Variants in CCDC97 observed in about 807,000 individuals in gnomAD.
CCDC97 encodes the protein coiled-coil domain-containing protein 97.
Under a neutral mutation model 33.9 loss-of-function variants are expected in CCDC97, and 27 were observed. The ratio of observed to expected loss-of-function variants is 0.80; its 90% CI spans 0.59 to 1.10. The LOEUF is 1.10. Ranked by LOEUF, CCDC97 falls within the 50% of genes least tolerant of loss-of-function variation. The pLI is 0.00. For missense variants in CCDC97, 422 were observed against 476.6 expected, an observed-to-expected ratio of 0.89 and a Z score of 1.07; for synonymous variants, 217 against 194.0, an observed-to-expected ratio of 1.12 and a Z score of -0.99.
rs765821522 is a variant in CCDC97 at position 41,320,450 on chromosome 19, G to A, written c.891G>A (p.Lys297=). The change falls in exon 4 of 5, where the codon AAG becomes AAA. Residue 297 remains lysine, a synonymous_variant. Transcript: ENST00000269967. The stretch of plus-strand genomic sequence containing the variant: ...TGCACCAGCGCTTCCTAGATGGCAA[G>A]GACGGGGACTTTGACTACAGGTGCT... ...SRMHQRFLDG[K]DGDFDYSTVD... 4 of 1,613,926 alleles carry A rather than the reference G, an allele frequency of 2.5e-6. No homozygotes were observed. The African/African-American group carries it at 5.3e-5, about 22-fold the overall frequency.
intron 1 of CCDC97, among the ~76,000 whole-genome samples, chr19:41,314,725 G>A (rs550481247): frequency 6.6e-6 from 1 of 152,294 alleles, no homozygotes; most frequent in South Asian, 2.1e-4. Flanking sequence ...CCTTGGCCAG[G>A]CATGGTGGTT....
chr19:41,315,414 C>G (rs1029501090), intron 1 of CCDC97, among the ~76,000 whole-genome samples: 3 of 151,416 alleles, frequency 2.0e-5, no homozygotes, highest in Admixed American at 1.3e-4. Context: ...GGAGACCAGC[C>G]TAGCCAACAT....
chr19:41,322,833 A>C lies in CCDC97; in HGVS notation c.*118A>C. The C allele has an allele frequency of 8.7e-7, 1 of 1,147,668 alleles. No homozygotes were observed. Among genetic ancestry groups the C allele is most frequent in the Non-Finnish European group, 1.2e-6 (1 of 813,730 alleles). The allele number at this position is 1,147,668 out of a possible 1,614,324, so 71.1% of individuals were successfully genotyped here. On this transcript the variant is annotated 3_prime_UTR_variant, in exon 5 of 5. Coordinates refer to ENST00000269967, the MANE Select transcript of CCDC97 (RefSeq NM_052848.3). Reference sequence around the variant, plus strand: ...ATCAGGGCAGTGCCCCACAACCCACACACACCACCATCTCACTGGGTCTAG... The same window carrying C: ...ATCAGGGCAGTGCCCCACAACCCACCCACACCACCATCTCACTGGGTCTAG...
At chr19:41,322,217 CTGAG>C (rs1265477261) in intron 4 of CCDC97, among the ~76,000 whole-genome samples, 1 of 152,190 alleles carries the variant, frequency 6.6e-6, no homozygotes, top group East Asian at 1.9e-4. Context: ...CCTCAGCCAA[CTGAG>C]TAAGCTGGGA....
In CCDC97 at chr19:41,316,349, C is replaced by T. The variant is rs1317273882; in HGVS notation, c.47-35C>T. On this transcript the variant is annotated intron_variant, in intron 1 of 4. Coordinates refer to ENST00000269967, the MANE Select transcript of CCDC97 (RefSeq NM_052848.3). ...AAGCCCCCAGTCCCTTCCCACACTCCCATCTCTGAACTAACCAATCTCTCC... is the reference window on the plus strand; with the variant it reads ...AAGCCCCCAGTCCCTTCCCACACTCTCATCTCTGAACTAACCAATCTCTCC... The T allele has an allele frequency of 6.5e-6, 10 of 1,546,080 alleles. No homozygotes were observed. The Admixed American group carries it at 1.7e-4, about 27-fold the overall frequency.
chr19:41,320,250 G>A, intron 3 of CCDC97, 91 bp from the exon 4 acceptor site: 1 of 1,553,798 alleles, frequency 6.4e-7, no homozygotes, highest in Non-Finnish European at 8.8e-7. Flanking sequence ...GCGCAAGGCT[G>A]GGCACAGGAG....
At chr19:41,311,984 T>C (rs2037691168) in intron 1 of CCDC97, among the ~76,000 whole-genome samples, 1 of 152,248 alleles carries the variant, frequency 6.6e-6, no homozygotes, top group African/African-American at 2.4e-5. Flanking sequence ...CCTCGTCTCC[T>C]GCTCACGACT....
chr19:41,310,179 G>A lies in CCDC97; in HGVS notation c.-132G>A, dbSNP rs946184847. The A allele has an allele frequency of 7.6e-7, 1 of 1,318,584 alleles. No homozygotes were observed. The highest frequency in any genetic ancestry group is 1.1e-6 in the Non-Finnish European group (1 of 948,028). 81.7% of individuals were successfully genotyped at this position (1,318,584 alleles called of 1,614,324 possible). On this transcript the variant is annotated 5_prime_UTR_variant, in exon 1 of 5. Transcript: ENST00000269967. ...CAATGCAACGTCTGCCTTAGGCCCG[G>A]AACTTCGGTGCCTGGGCGCAGCGGT... is the stretch of plus-strand genomic sequence containing the variant.
Position 41,316,546 on chromosome 19 carries a change from T to TAGCCGCC in CCDC97, c.217_223dup (p.Leu75GlnfsTer12). 1.2e-6 allele frequency: 2 copies of TAGCCGCC among 1,614,216 alleles called. No homozygotes were observed. The highest frequency in any genetic ancestry group is 8.5e-7 in the Non-Finnish European group (1 of 1,180,020). ...GCAGTGAGTGCTATGCTGCACGCTG[T>TAGCCGCC]AGCCGCCAGCCGCCTGCCTGTTTGC... is the stretch of plus-strand genomic sequence containing the variant. On this transcript the variant is annotated frameshift_variant, in exon 2 of 5. Coordinates refer to ENST00000269967, the MANE Select transcript of CCDC97 (RefSeq NM_052848.3). LOFTEE classifies it high-confidence loss of function.
At chr19:41,314,334 GT>G (rs1050643319) in intron 1 of CCDC97, among the ~76,000 whole-genome samples, 26 of 151,996 alleles carry the variant, frequency 1.7e-4, no homozygotes, top group Non-Finnish European at 3.2e-4. Flanking sequence ...TAGAGACGGG[GT>G]TTCTCCCAGT....
intron 4 of CCDC97, among the ~76,000 whole-genome samples, chr19:41,322,026 A>G (rs774771820): frequency 6.6e-6 from 1 of 152,204 alleles, no homozygotes; most frequent in Non-Finnish European, 1.5e-5. Context: ...TTCTTTGTTG[A>G]GAGCCACTGC....
Position 41,316,714 on chromosome 19 carries a change from T to C in CCDC97, c.377T>C (p.Val126Ala). ...GAGCATCTGGCCTGCTTTGGCCACG[T>C]GCGTGGCGACCACCGTGCAGACTTC... ...REEHLACFGH[V>A]RGDHRADFYC... Residue 126 changes from valine (V) to alanine (A), a missense_variant, in exon 2 of 5, where the codon GTG (valine) becomes GCG (alanine). Transcript: ENST00000269967. 6.2e-7 allele frequency: 1 copy of C among 1,613,530 alleles called. No individual in the cohort carries two copies. The highest frequency in any genetic ancestry group is 8.5e-7 in the Non-Finnish European group (1 of 1,179,750).
intron 1 of CCDC97, chr19:41,310,775 A>G (rs1599870380): frequency 9.9e-7 from 1 of 1,013,560 alleles, no homozygotes; most frequent in Non-Finnish European, 1.2e-6. Flanking sequence ...CTAAACTTCT[A>G]CCTGCCTCAT....
At chr19:41,321,048 G>T (rs2037819620) in intron 4 of CCDC97, among the ~76,000 whole-genome samples, 1 of 152,238 alleles carries the variant, frequency 6.6e-6, no homozygotes, top group Non-Finnish European at 1.5e-5. Context: ...CAAACACTGG[G>T]CCCAGCAGCA....
rs199582362 is a variant in CCDC97, at chr19:41,316,666, G to A, written c.329G>A (p.Arg110His). The change falls in exon 2 of 5, where the codon CGC becomes CAC. Residue 110 changes from arginine to histidine, a missense_variant. Transcript: ENST00000269967. ...YHEKPLVFLERFRTGLREEHL... is the reference protein window; with the variant it reads ...YHEKPLVFLEHFRTGLREEHL... ...GAGAAGCCACTGGTGTTCCTGGAGC[G>A]CTTCCGCACAGGCCTCCGTGAGGAG... The A allele has an allele frequency of 3.7e-5, 59 of 1,614,006 alleles. No homozygotes were observed. The highest frequency in any genetic ancestry group is 1.6e-5 in the Non-Finnish European group (19 of 1,180,014).
At position 41,319,778 on chromosome 19, in the gene CCDC97, G is replaced by A. The variant is rs770174892; in HGVS notation, c.707G>A (p.Arg236His). The A allele has an allele frequency of 2.6e-5, 42 of 1,612,688 alleles. No homozygotes were observed. Among genetic ancestry groups the A allele is most frequent in the East Asian group, 4.5e-5 (2 of 44,870 alleles). The change falls in exon 3 of 5, where the codon CGT becomes CAT. Residue 236 changes from arginine (R) to histidine (H), a missense_variant. By Grantham distance (29) the Arg-to-His change is conservative. Transcript: ENST00000269967. Reference sequence around the variant, plus strand: ...TACGAGGAGCGGGAGCTACAGCAGCGTCTGCTCCAACAGCAGGAGGAGGAG... The same window carrying A: ...TACGAGGAGCGGGAGCTACAGCAGCATCTGCTCCAACAGCAGGAGGAGGAG... Reference protein sequence around the residue: ...QSYEERELQQRLLQQQEEEEA... With the variant: ...QSYEERELQQHLLQQQEEEEA...
intron 1 of CCDC97, among the ~76,000 whole-genome samples, chr19:41,312,651 C>T (rs2037699374): frequency 1.3e-5 from 2 of 152,224 alleles, no homozygotes; most frequent in African/African-American, 4.8e-5. Flanking sequence ...GAACTGAAAT[C>T]CAGGTGTCTG....
chr19:41,314,610 C>G (rs545571381), intron 1 of CCDC97, among the ~76,000 whole-genome samples: 1 of 152,382 alleles, frequency 6.6e-6, no homozygotes, highest in East Asian at 1.9e-4. Context: ...CTGGAATTCT[C>G]TTTTCCAAGA....
Position 41,319,689 on chromosome 19 carries a change from G to GC in CCDC97, c.624dup (p.Lys209GlnfsTer50), listed in dbSNP as rs778433085. ...TCAGTGCCCGCACCCCAACCCACCAGCCCCCCAAGCCCGGGTCCCCCGGGA... is the reference window on the plus strand; with the variant it reads ...TCAGTGCCCGCACCCCAACCCACCAGCCCCCCCAAGCCCGGGTCCCCCGGGA... On this transcript the variant is annotated frameshift_variant, in exon 3 of 5. Coordinates refer to ENST00000269967, the MANE Select transcript of CCDC97 (RefSeq NM_052848.3). LOFTEE classifies it high-confidence loss of function. The GC allele has an allele frequency of 6.8e-6, 11 of 1,613,756 alleles. No homozygotes were observed. Among genetic ancestry groups the GC allele is most frequent in the South Asian group, 3.3e-5 (3 of 91,076 alleles).
Sources: gnomAD v4.1 joint callset for allele counts (sites outside exome capture counted in the v4.1 genomes callset) on GRCh38, gnomAD v4.1.1 for gene constraint, MANE v1.5 for transcripts, NCBI Gene and HGNC (gene_info 2026-07-23, HGNC 2026-07-21) for gene names.